The following SLC6A12 variants were observed in gnomAD, a reference collection of about 807,000 sequenced individuals.
SLC6A12 encodes the protein sodium- and chloride-dependent betaine transporter.
A neutral mutation model predicts 73.3 loss-of-function variants in SLC6A12; 50 were observed. The observed-to-expected ratio is 0.68, with a 90% CI of 0.54 to 0.86. SLC6A12 has a LOEUF of 0.86. Ranked by LOEUF, SLC6A12 falls within the 40% of genes least tolerant of loss-of-function variation. The pLI, the probability that SLC6A12 is intolerant of heterozygous loss-of-function variation, is 0.00. For missense variants in SLC6A12, 648 were observed against 772.8 expected (o/e 0.84, Z 1.92); for synonymous variants, 304 against 309.2 (o/e 0.98, Z 0.18).
downstream of SLC6A12, among the ~76,000 whole-genome samples, chr12:187,719 C>G (rs1939462964): frequency 6.6e-6 from 1 of 150,634 alleles, no homozygotes; most frequent in South Asian, 2.1e-4. Flanking sequence ...TATTCTCTTA[C>G]CTGGCCCCAC....
In SLC6A12 at chr12:202,877, A is replaced by T; in HGVS notation, c.353T>A (p.Ile118Asn). The change falls in exon 5 of 16, where the codon ATT becomes AAT. Residue 118 changes from isoleucine to asparagine, a missense_variant. Ile to Asn is a moderately radical substitution (Grantham distance 149). Transcript: ENST00000684302. ...WRKICPLFQG[I>N]GLASVVIESY... ...CTCGATGACCACAGATGCCAGACCA[A>T]TGCCTTCCAGAGTGGGGGAGAGATG... is the stretch of plus-strand genomic sequence containing the variant. The T allele has an allele frequency of 6.2e-7, 1 of 1,613,778 alleles. No individual in the cohort carries two copies. Among genetic ancestry groups the T allele is most frequent in the African/African-American group, 1.3e-5 (1 of 74,982 alleles).
Position 195,265 on chromosome 12 carries a change from G to C in SLC6A12, c.1389C>G (p.Phe463Leu). The C allele has an allele frequency of 1.9e-6, 3 of 1,613,606 alleles. No individual in the cohort carries two copies. Among genetic ancestry groups the C allele is most frequent in the Non-Finnish European group, 1.7e-6 (2 of 1,179,490 alleles). The stretch of plus-strand genomic sequence containing the variant: ...TGCAGACCACTTCAAACAATGACAG[G>C]AACAGCAGGCATATGCCACTGGAAG... ...YYASSGICLL[F>L]LSLFEVVCIS... The change falls in exon 13 of 16, where the codon TTC (phenylalanine) becomes TTG (leucine). Residue 463 changes from phenylalanine (F) to leucine (L), a missense_variant. By Grantham distance (22) the Phe-to-Leu change is conservative. Coordinates refer to ENST00000684302, the MANE Select transcript of SLC6A12 (RefSeq NM_001122848.3).
chr12:200,191 C>G (rs572176264), intron 7 of SLC6A12, among the ~76,000 whole-genome samples: 22 of 149,408 alleles, frequency 1.5e-4, no homozygotes, highest in African/African-American at 5.5e-4. Context: ...TCACTGCAAG[C>G]TCCGCCTCCC....
chr12:186,579 A>G (rs1480354784), downstream of SLC6A12, among the ~76,000 whole-genome samples: 1 of 152,192 alleles, frequency 6.6e-6, no homozygotes, highest in African/African-American at 2.4e-5. Flanking sequence ...CTGGGAGGAT[A>G]CATTTCCACG....
At chr12:201,080 T>C (rs989307975) in intron 6 of SLC6A12, 2 of 288,556 alleles carry the variant, frequency 6.9e-6, no homozygotes, top group Admixed American at 9.7e-5. Context: ...TATTTATACA[T>C]GCAGGTTGAT....
chr12:201,059 TAG>T (rs1404015419), intron 6 of SLC6A12, among the ~76,000 whole-genome samples: 1 of 152,108 alleles, frequency 6.6e-6, no homozygotes, highest in Non-Finnish European at 1.5e-5. Flanking sequence ...AATGAGCGTT[TAG>T]AGAGTAGATA....
At position 198,734 on chromosome 12, in the gene SLC6A12, A is replaced by C; in HGVS notation, c.846+63T>G. The C allele has an allele frequency of 6.5e-7, 1 of 1,529,576 alleles. No individual in the cohort carries two copies. Among genetic ancestry groups the C allele is most frequent in the South Asian group, 1.2e-5 (1 of 85,026 alleles). 94.8% of individuals were successfully genotyped at this position (1,529,576 alleles called of 1,614,324 possible). ...AAGGAAAAAGCTATACAAGACTTTC[A>C]AAACTACAGACCTGGCTGGGTGGGG... On this transcript the variant is annotated intron_variant, in intron 8 of 15. Transcript: ENST00000684302. The surrounding 1 kb of genome is among the most constrained non-coding windows in gnomAD (Gnocchi z 4.0).
At chr12:184,887 C>G in the SLC6A12 span, among the ~76,000 whole-genome samples, 1 of 150,888 alleles carries the variant, frequency 6.6e-6, no homozygotes, top group South Asian at 2.1e-4. Flanking sequence ...GAGCTGAGAT[C>G]AAGCCACTGC....
chr12:185,075 G>C, the SLC6A12 span, among the ~76,000 whole-genome samples: 10 of 152,208 alleles, frequency 6.6e-5, no homozygotes, highest in Non-Finnish European at 1.3e-4. Flanking sequence ...CATGATCGGA[G>C]ACATAAAACT....
Position 202,745 on chromosome 12 carries a change from T to C in SLC6A12, c.485A>G (p.Asn162Ser). The C allele has an allele frequency of 6.2e-7, 1 of 1,613,468 alleles. No individual in the cohort carries two copies. The highest frequency in any genetic ancestry group is 8.5e-7 in the Non-Finnish European group (1 of 1,179,716). Reference sequence around the variant, plus strand: ...GGGGCTGAAATGATGGATACCTGTGTTCCAAAAGTTGTTGCAGGTCGTCCA... The same window carrying C: ...GGGGCTGAAATGATGGATACCTGTGCTCCAAAAGTTGTTGCAGGTCGTCCA... Reference protein sequence around the residue: ...LPWTTCNNFWNTEHCTDFLNH... With the variant: ...LPWTTCNNFWSTEHCTDFLNH... The change falls in exon 5 of 16, where the codon AAC becomes AGC. Residue 162 changes from asparagine (N) to serine (S), a missense_variant. Asn to Ser is a conservative substitution (Grantham distance 46, BLOSUM62 1). Transcript: ENST00000684302.
At chr12:207,082 G>A (rs1940689852) in intron 3 of SLC6A12, among the ~76,000 whole-genome samples, 2 of 152,228 alleles carry the variant, frequency 1.3e-5, no homozygotes, top group African/African-American at 4.8e-5. Context: ...GGTTGTTTCT[G>A]GAGCGCGTTA....
rs564689603 is a variant in SLC6A12 at position 204,568 on chromosome 12, G to C, written c.345C>G (p.Phe115Leu). 1.2e-6 allele frequency: 2 copies of C among 1,614,122 alleles called. No individual in the cohort carries two copies. Among genetic ancestry groups the C allele is most frequent in the African/African-American group, 2.7e-5 (2 of 75,054 alleles). Residue 115 changes from phenylalanine to leucine, a missense_variant, in exon 4 of 16, where the codon TTC (phenylalanine) becomes TTG (leucine). Phe to Leu is a conservative substitution (Grantham distance 22, BLOSUM62 0). Coordinates refer to ENST00000684302, the MANE Select transcript of SLC6A12 (RefSeq NM_001122848.3). The part of the protein sequence containing the change: ...VTAWRKICPL[F>L]QGIGLASVVI... ...AAGGTGGGGGAGGATACATACCCTG[G>C]AAGAGGGGGCAGATCTTCCTCCAGG...
intron 3 of SLC6A12, among the ~76,000 whole-genome samples, chr12:207,224 A>C (rs1345498733): frequency 6.6e-6 from 1 of 152,248 alleles, no homozygotes; most frequent in Admixed American, 6.5e-5. Context: ...GGCTATGGGC[A>C]CGGGCGGCCC....
rs1015955945 is a variant in SLC6A12 at position 198,585 on chromosome 12, AT to A, written c.846+211del. 3.6e-5 allele frequency: 18 copies of A among 501,450 alleles called. No individual in the cohort carries two copies. The highest frequency in any genetic ancestry group is 5.9e-5 in the African/African-American group (3 of 51,068). 31.1% of individuals were successfully genotyped at this position (501,450 alleles called of 1,614,324 possible). A position where few individuals can be genotyped will look rare whatever the true frequency, so the allele number is the denominator to read the frequency against. On this transcript the variant is annotated intron_variant, in intron 8 of 15. Transcript: ENST00000684302. The surrounding 1 kb of genome is among the most constrained non-coding windows in gnomAD (Gnocchi z 4.0). Reference sequence around the variant, plus strand: ...CCTGTCTCTAAGTAAGAGAAAAAAAATTTTTTAAGAAAAAAAGTTATATTTG... The same window carrying A: ...CCTGTCTCTAAGTAAGAGAAAAAAAATTTTTAAGAAAAAAAGTTATATTTG...
At position 190,797 on chromosome 12, in the gene SLC6A12, G is replaced by T. The variant is rs1012476040; in HGVS notation, c.*271C>A. 3.0e-5 allele frequency: 9 copies of T among 295,716 alleles called. 1 individual carries two copies. Among genetic ancestry groups the T allele is most frequent in the East Asian group, 5.4e-5 (1 of 18,474 alleles). 18.3% of individuals were successfully genotyped at this position (295,716 alleles called of 1,614,324 possible). On this transcript the variant is annotated 3_prime_UTR_variant, in exon 16 of 16. Transcript: ENST00000684302. ...GCAATCAGATGGCGGCCTCCAAAAA[G>T]ACCCCCCTTTATAAAAACGATGGTG...
At chr12:193,800 A>G (rs148688446) in intron 13 of SLC6A12, among the ~76,000 whole-genome samples, 6 of 151,952 alleles carry the variant, frequency 3.9e-5, no homozygotes, top group African/African-American at 1.5e-4. Flanking sequence ...ATCATAGAAA[A>G]CTCATAGAGG....
intron 3 of SLC6A12, among the ~76,000 whole-genome samples, chr12:206,987 G>A (rs1038788958): frequency 6.6e-6 from 1 of 152,266 alleles, no homozygotes; most frequent in African/African-American, 2.4e-5. Flanking sequence ...GGTGACTTCA[G>A]GAGGCCTGGA....
intron 7 of SLC6A12, 123 bp from the exon 8 acceptor site, chr12:199,054 G>T: frequency 3.3e-6 from 3 of 901,016 alleles, no homozygotes; most frequent in Admixed American, 2.4e-5. Context: ...GCCTAGAGGG[G>T]CTAAGCACAA....
At position 198,421 on chromosome 12, in the gene SLC6A12, A is replaced by G. The variant is rs1940035934; in HGVS notation, c.846+376T>C. Among the ~76,000 whole-genome samples, 1 of 152,208 alleles carries G rather than the reference A, an allele frequency of 6.6e-6. No homozygotes were observed. The highest frequency in any genetic ancestry group is 2.4e-5 in the African/African-American group (1 of 41,460). On this transcript the variant is annotated intron_variant, in intron 8 of 15. Coordinates refer to ENST00000684302, the MANE Select transcript of SLC6A12 (RefSeq NM_001122848.3). The surrounding 1 kb of genome is among the most constrained non-coding windows in gnomAD (Gnocchi z 4.0). ...ATCAAAATATCAAGAGAAAATGCCC[A>G]GGAACCATGGCTCATGCCTGCAGTC...
Sources: allele counts gnomAD v4.1 joint callset (sites outside exome capture counted in the v4.1 genomes callset), GRCh38; gene constraint gnomAD v4.1.1; non-coding constraint Gnocchi (gnomAD v3.1); transcripts MANE v1.5; gene names NCBI Gene and HGNC (gene_info 2026-07-23, HGNC 2026-07-21).